Variants in CYSLTR2 observed in about 807,000 individuals in gnomAD.
CYSLTR2 encodes the protein cysteinyl leukotriene receptor 2.
For missense variants in CYSLTR2, 398 were observed against 411.9 expected, an observed-to-expected ratio of 0.97 and a Z score of 0.29; for synonymous variants, 179 against 160.8, an observed-to-expected ratio of 1.11 and a Z score of -0.86.
chr13:48,692,979 T>G (rs1954075708), intron 2 of CYSLTR2, among the ~76,000 whole-genome samples: 1 of 151,846 alleles, frequency 6.6e-6, no homozygotes. Flanking sequence ...TCTAAGTCCT[T>G]AAAGTTAGTT....
intron 1 of CYSLTR2, among the ~76,000 whole-genome samples, chr13:48,678,181 G>C (rs908114274): frequency 6.6e-6 from 1 of 152,034 alleles, no homozygotes; most frequent in East Asian, 1.9e-4. Context: ...GCTAATTTTT[G>C]TATTTTTAGT....
chr13:48,691,894 G>T (rs1170091468), intron 2 of CYSLTR2, among the ~76,000 whole-genome samples: 5 of 151,642 alleles, frequency 3.3e-5, no homozygotes, highest in African/African-American at 1.2e-4. Context: ...TAGTAAGTTT[G>T]GTAAATAAAA....
At chr13:48,699,299 G>T (rs76984036) in intron 4 of CYSLTR2, among the ~76,000 whole-genome samples, 1 of 152,134 alleles carries the variant, frequency 6.6e-6, no homozygotes, top group South Asian at 2.1e-4. Context: ...AAATATAAAA[G>T]AACAGAAATT....
intron 1 of CYSLTR2, among the ~76,000 whole-genome samples, chr13:48,657,725 A>G (rs1953032838): frequency 1.3e-5 from 2 of 151,704 alleles, no homozygotes; most frequent in African/African-American, 4.8e-5. Flanking sequence ...ACAGCATCGT[A>G]CCTTGTTTGT....
chr13:48,692,391 C>A (rs1954061607), intron 2 of CYSLTR2, among the ~76,000 whole-genome samples: 1 of 151,806 alleles, frequency 6.6e-6, no homozygotes, highest in Admixed American at 6.6e-5. Context: ...TAATTTTACT[C>A]TTTTTGTACA....
chr13:48,701,862 A>C (rs1265106554), intron 4 of CYSLTR2, among the ~76,000 whole-genome samples: 1 of 152,210 alleles, frequency 6.6e-6, no homozygotes, highest in Non-Finnish European at 1.5e-5. Context: ...CCAATTCCTC[A>C]AGGATCTAGA....
At chr13:48,654,251 TTGTG>T (rs372575519) in intron 1 of CYSLTR2, among the ~76,000 whole-genome samples, 12,974 of 128,322 alleles carry the variant, frequency 0.1, 390 homozygotes, top group Non-Finnish European at 0.15. Flanking sequence ...GATCGTCCCT[TTGTG>T]TGTGTGTGTG....
chr13:48,659,477 A>G (rs1953076172), intron 1 of CYSLTR2, among the ~76,000 whole-genome samples: 1 of 152,230 alleles, frequency 6.6e-6, no homozygotes, highest in Non-Finnish European at 1.5e-5. Flanking sequence ...GATGTTTAAC[A>G]AACTACCTTT....
intron 4 of CYSLTR2, among the ~76,000 whole-genome samples, chr13:48,705,445 AT>A (rs899682943): frequency 1.1e-3 from 158 of 149,376 alleles, no homozygotes; most frequent in African/African-American, 3.6e-3. Context: ...CTGCCATTTT[AT>A]TTTTTTTCTG....
At chr13:48,704,690 C>T (rs1156294556) in intron 4 of CYSLTR2, among the ~76,000 whole-genome samples, 1 of 151,984 alleles carries the variant, frequency 6.6e-6, no homozygotes, top group East Asian at 1.9e-4. Flanking sequence ...CTTGAGATTT[C>T]CTTTTTGACC....
intron 1 of CYSLTR2, among the ~76,000 whole-genome samples, chr13:48,666,009 C>T (rs999560051): frequency 2.0e-5 from 3 of 151,954 alleles, no homozygotes; most frequent in Non-Finnish European, 2.9e-5. Flanking sequence ...TTTATAGTTT[C>T]GCATGTTTTC....
intron 4 of CYSLTR2, among the ~76,000 whole-genome samples, chr13:48,704,414 AC>A (rs1954429267): frequency 9.2e-5 from 14 of 151,904 alleles, no homozygotes; most frequent in Admixed American, 3.3e-4. Context: ...GATTGTATTG[AC>A]TTTTTTCAAA....
intron 1 of CYSLTR2, among the ~76,000 whole-genome samples, chr13:48,667,920 TGAG>T (rs1953308093): frequency 6.6e-6 from 1 of 152,028 alleles, no homozygotes; most frequent in Admixed American, 6.6e-5. Flanking sequence ...TAGATGAAAG[TGAG>T]GAGAAGAGGA....
At position 48,707,895 on chromosome 13, in the gene CYSLTR2, G is replaced by A; in HGVS notation, c.*37G>A. 1 of 1,459,762 alleles carries A rather than the reference G, an allele frequency of 6.9e-7. No homozygotes were observed. Among genetic ancestry groups the A allele is most frequent in the Non-Finnish European group, 9.1e-7 (1 of 1,094,118 alleles). 90.4% of individuals were successfully genotyped at this position (1,459,762 alleles called of 1,614,324 possible). On this transcript the variant is annotated 3_prime_UTR_variant, in exon 5 of 5. Coordinates refer to ENST00000682523, the MANE Select transcript of CYSLTR2 (RefSeq NM_001308476.3). ...ATGAGACCTGTTCTTGTATCCTTGT[G>A]TCCATCTTCATTCACTCATAGTCTC... is the stretch of plus-strand genomic sequence containing the variant.
At chr13:48,691,443 A>G (rs191608626) in intron 2 of CYSLTR2, 142 bp downstream of exon 2, 44 of 152,260 alleles carry the variant, frequency 2.9e-4, no homozygotes, top group African/African-American at 9.9e-4. Flanking sequence ...AAAAATTTTG[A>G]GTTACGTCTA....
intron 1 of CYSLTR2, among the ~76,000 whole-genome samples, chr13:48,680,679 C>T (rs1953724049): frequency 6.6e-6 from 1 of 152,094 alleles, no homozygotes. Context: ...TCCCAGTTTC[C>T]CTTGAATTTG....
At chr13:48,669,779 T>C (rs564334799) in intron 1 of CYSLTR2, among the ~76,000 whole-genome samples, 1 of 152,354 alleles carries the variant, frequency 6.6e-6, no homozygotes, top group South Asian at 2.1e-4. Context: ...TTATAATCCT[T>C]TGGGTATATA....
chr13:48,693,982 T>C (rs1455242344), intron 3 of CYSLTR2, among the ~76,000 whole-genome samples: 1 of 152,220 alleles, frequency 6.6e-6, no homozygotes, highest in African/African-American at 2.4e-5. Flanking sequence ...GAGATAAACA[T>C]GCACGTTTGT....
chr13:48,673,854 A>T (rs1002435379), intron 1 of CYSLTR2, among the ~76,000 whole-genome samples: 1 of 152,058 alleles, frequency 6.6e-6, no homozygotes, highest in Non-Finnish European at 1.5e-5. Flanking sequence ...TTGTCTGTAA[A>T]CGATTTTATT....
Sources: gnomAD v4.1 joint callset for allele counts (sites outside exome capture counted in the v4.1 genomes callset) on GRCh38, gnomAD v4.1.1 for gene constraint, MANE v1.5 for transcripts, NCBI Gene and HGNC (gene_info 2026-07-23, HGNC 2026-07-21) for gene names.